The following LAMC1 variants were observed in gnomAD, a reference collection of about 807,000 sequenced individuals.
LAMC1 encodes the protein laminin subunit gamma 1.
Under a neutral mutation model 173.6 loss-of-function variants are expected in LAMC1, and 38 were observed. That is an observed-to-expected ratio of 0.22 (90% CI 0.17 to 0.29). The LOEUF is 0.29. LAMC1 is among the 10% of genes least tolerant of loss of function. The probability of loss-of-function intolerance (pLI) is 1.00; values close to 1 mark genes in which losing one functional copy is unlikely to be tolerated. For synonymous variants in LAMC1, 746 were observed against 749.1 expected (o/e 1.00, Z 0.07); for missense variants, 1,824 against 2,051.8 (o/e 0.89, Z 2.14).
intron 1 of LAMC1, among the ~76,000 whole-genome samples, chr1:183,027,289 T>TC (rs1553252258): frequency 6.6e-6 from 1 of 150,888 alleles, no homozygotes; most frequent in Admixed American, 6.7e-5. Context: ...CACCAGCCAC[T>TC]TTTCTAAGAA....
At chr1:183,113,294 G>T (rs1656215646) in intron 4 of LAMC1, among the ~76,000 whole-genome samples, 1 of 152,138 alleles carries the variant, frequency 6.6e-6, no homozygotes, top group Admixed American at 6.5e-5. Flanking sequence ...TCCAGAGTGA[G>T]ACCCTGTCTC....
chr1:183,092,765 G>A (rs1018975799), intron 1 of LAMC1, among the ~76,000 whole-genome samples: 2 of 151,966 alleles, frequency 1.3e-5, no homozygotes, highest in Non-Finnish European at 1.5e-5. Flanking sequence ...TTTAGAGAAC[G>A]TCTTTGTGGA....
At chr1:183,107,264 C>T (rs1036711320) in intron 2 of LAMC1, among the ~76,000 whole-genome samples, 3 of 152,006 alleles carry the variant, frequency 2.0e-5, no homozygotes, top group African/African-American at 7.3e-5. Context: ...GTGGTACTTA[C>T]AGTGTGGTGG....
intron 1 of LAMC1, among the ~76,000 whole-genome samples, chr1:183,071,894 A>G (rs1405062324): frequency 6.6e-6 from 1 of 152,228 alleles, no homozygotes; most frequent in Non-Finnish European, 1.5e-5. Context: ...GTTGACGAAA[A>G]TGTTGAGACC....
chr1:183,074,860 A>T (rs1436666702), intron 1 of LAMC1, among the ~76,000 whole-genome samples: 4 of 152,172 alleles, frequency 2.6e-5, no homozygotes, highest in Admixed American at 2.6e-4. Context: ...GTAACTGAAT[A>T]GACATAACGG....
At position 183,134,686 on chromosome 1, in the gene LAMC1, A is replaced by G; in HGVS notation, c.3876A>G (p.Glu1292=). The G allele has an allele frequency of 6.2e-7, 1 of 1,612,820 alleles. No homozygotes were observed. Among genetic ancestry groups the G allele is most frequent in the Non-Finnish European group, 8.5e-7 (1 of 1,179,498 alleles). Residue 1292 remains glutamate, a synonymous_variant, in exon 23 of 28, where the codon GAA becomes GAG. Transcript: ENST00000258341. The part of the protein sequence containing the change: ...LENEANNIKM[E]AENLEQLIDQ... The stretch of plus-strand genomic sequence containing the variant: ...ATGAAGCAAATAACATAAAGATGGA[A>G]GCTGAGAATCTGGAACAACTGATTG...
At position 183,116,785 on chromosome 1, in the gene LAMC1, T is replaced by A. The variant is rs1656335538; in HGVS notation, c.1446T>A (p.Phe482Leu). 1 of 1,614,152 alleles carries A rather than the reference T, an allele frequency of 6.2e-7. No individual in the cohort carries two copies. The highest frequency in any genetic ancestry group is 8.5e-7 in the Non-Finnish European group (1 of 1,179,990). ...TTTTCAGATGCAAACCTGGATTTTT[T>A]AATCTGGAATCATCTAATCCTCGGG... ...FNCERCKPGF[F>L]NLESSNPRGC... Residue 482 changes from phenylalanine (F) to leucine (L), a missense_variant, in exon 8 of 28, where the codon TTT (phenylalanine) becomes TTA (leucine). By Grantham distance (22) the Phe-to-Leu change is conservative. Transcript: ENST00000258341.
intron 20 of LAMC1, 29 bp from the exon 21 acceptor site, chr1:183,132,371 A>T: frequency 6.3e-7 from 1 of 1,581,844 alleles, no homozygotes. Context: ...TGGTTGTTTC[A>T]TGGCTTATTT....
Position 183,125,422 on chromosome 1 carries a change from C to G in LAMC1, c.2673C>G (p.Thr891=), listed in dbSNP as rs750305556. 2.5e-6 allele frequency: 4 copies of G among 1,614,072 alleles called. No individual in the cohort carries two copies. The highest frequency in any genetic ancestry group is 4.5e-5 in the East Asian group (2 of 44,878). The change falls in exon 15 of 28, where the codon ACC becomes ACG. Residue 891 remains threonine (T), a synonymous_variant. Coordinates refer to ENST00000258341, the MANE Select transcript of LAMC1 (RefSeq NM_002293.4). ...CCTGCAATTGCAATCTGTATGGGAC[C>G]ATGAAGCAGCAGAGCAGCTGTAACC... is the stretch of plus-strand genomic sequence containing the variant. ...CKACNCNLYG[T]MKQQSSCNPV...
At chr1:183,105,648 G>T (rs1444230879) in intron 2 of LAMC1, among the ~76,000 whole-genome samples, 1 of 148,730 alleles carries the variant, frequency 6.7e-6, no homozygotes, top group South Asian at 2.2e-4. Flanking sequence ...AAAAAAAAAT[G>T]CTGTGGGCAT....
intron 4 of LAMC1, among the ~76,000 whole-genome samples, chr1:183,114,082 T>A (rs1164028049): frequency 6.6e-6 from 1 of 152,206 alleles, no homozygotes; most frequent in African/African-American, 2.4e-5. Context: ...GTTTGTTTGT[T>A]TTTGAGACAG....
intron 1 of LAMC1, among the ~76,000 whole-genome samples, chr1:183,041,759 T>C (rs74671807): frequency 0.048 from 7,285 of 152,234 alleles, 358 homozygotes; most frequent in African/African-American, 0.13. Flanking sequence ...GAGGATTTCA[T>C]TGGCTTCCCC....
intron 1 of LAMC1, among the ~76,000 whole-genome samples, chr1:183,031,073 G>A (rs557007520): frequency 2.0e-5 from 3 of 152,270 alleles, no homozygotes; most frequent in Admixed American, 6.5e-5. Context: ...AAGCAGCTGA[G>A]GGGAAAGGTT....
chr1:183,091,832 A>G (rs1302161979), intron 1 of LAMC1, among the ~76,000 whole-genome samples: 2 of 152,144 alleles, frequency 1.3e-5, no homozygotes, highest in Non-Finnish European at 2.9e-5. Context: ...TCATTTTATT[A>G]TAGGAAGGAA....
chr1:183,108,162 A>T, intron 2 of LAMC1, 114 bp from the exon 3 acceptor site: 1 of 788,326 alleles, frequency 1.3e-6, no homozygotes, highest in African/African-American at 2.9e-5. Flanking sequence ...TTTAGTGCTA[A>T]AGAGGGCGTA....
At chr1:183,055,239 C>T (rs1441540444) in intron 1 of LAMC1, among the ~76,000 whole-genome samples, 1 of 151,908 alleles carries the variant, frequency 6.6e-6, no homozygotes, top group African/African-American at 2.4e-5. Flanking sequence ...ATCCACCTGC[C>T]TTGGCCTCCG....
At chr1:183,096,568 A>C (rs2102063841) in intron 1 of LAMC1, 1 of 152,366 alleles carries the variant, frequency 6.6e-6, no homozygotes, top group African/African-American at 2.4e-5. Flanking sequence ...CTCAGAAAAC[A>C]TGACTGTTGA....
At chr1:183,109,025 C>A (rs1018129782) in intron 3 of LAMC1, among the ~76,000 whole-genome samples, 4 of 152,108 alleles carry the variant, frequency 2.6e-5, no homozygotes, top group Non-Finnish European at 4.4e-5. Flanking sequence ...AGAGTATAAA[C>A]CCATTTAACT....
rs1656951551 is a variant in LAMC1 at position 183,136,642 on chromosome 1, C to T, written c.4314+57C>T. 2.8e-6 allele frequency: 4 copies of T among 1,447,584 alleles called. No homozygotes were observed. In the South Asian group the frequency reaches 5.0e-5, roughly 18 times the overall value. 89.7% of individuals were successfully genotyped at this position (1,447,584 alleles called of 1,614,324 possible). A position where few individuals can be genotyped will look rare whatever the true frequency, so the allele number is the denominator to read the frequency against. On this transcript the variant is annotated intron_variant, in intron 25 of 27. Coordinates refer to ENST00000258341, the MANE Select transcript of LAMC1 (RefSeq NM_002293.4). ...CCCATATCTTTCTCTGGTCACTTTC[C>T]AGTTTCTTTCCAGACCCTCAGAGCC...
Sources: allele counts gnomAD v4.1 joint callset (sites outside exome capture counted in the v4.1 genomes callset), GRCh38; gene constraint gnomAD v4.1.1; transcripts MANE v1.5; gene names NCBI Gene and HGNC (gene_info 2026-07-23, HGNC 2026-07-21).